The following NAALADL2 variants were observed in gnomAD, a reference collection of about 807,000 sequenced individuals.
NAALADL2 encodes inactive N-acetylated-alpha-linked acidic dipeptidase-like protein 2.
In NAALADL2, 76 loss-of-function variants were observed where a neutral mutation model predicts 87.2. The observed-to-expected ratio is 0.87, with a 90% CI of 0.72 to 1.05. The LOEUF (loss-of-function observed/expected upper bound fraction) is 1.05, where lower values mean the gene tolerates loss of function less well. NAALADL2 is among the 50% of genes least tolerant of loss of function. NAALADL2 has a pLI of 0.00. For missense variants in NAALADL2, 1,089 were observed against 945.8 expected (o/e 1.15, Z -1.99); for synonymous variants, 354 against 331.0 (o/e 1.07, Z -0.75).
At chr3:174,905,669 T>G (rs543509291) in intron 1 of NAALADL2, among the ~76,000 whole-genome samples, 1 of 152,194 alleles carries the variant, frequency 6.6e-6, no homozygotes, top group South Asian at 2.1e-4. Context: ...TGCCACATTC[T>G]AATCTTTTAT....
At chr3:175,633,015 G>T (rs984975559) in intron 11 of NAALADL2, among the ~76,000 whole-genome samples, 3 of 152,088 alleles carry the variant, frequency 2.0e-5, no homozygotes, top group African/African-American at 7.2e-5. Flanking sequence ...GACTGATAAT[G>T]TAGATGATGT....
chr3:174,681,714 T>G (rs1013691853), intron 2 of NAALADL2, among the ~76,000 whole-genome samples: 1 of 152,118 alleles, frequency 6.6e-6, no homozygotes, highest in Non-Finnish European at 1.5e-5. Flanking sequence ...GACCTACAAC[T>G]TTTCCAGTGT....
chr3:174,991,722 T>G (rs1746779702), intron 1 of NAALADL2, among the ~76,000 whole-genome samples: 1 of 152,098 alleles, frequency 6.6e-6, no homozygotes, highest in Admixed American at 6.6e-5. Context: ...ACACAAGCCT[T>G]ATTGTTCACT....
At chr3:175,732,195 G>C (rs1707450184) in intron 11 of NAALADL2, among the ~76,000 whole-genome samples, 1 of 152,144 alleles carries the variant, frequency 6.6e-6, no homozygotes, top group Non-Finnish European at 1.5e-5. Flanking sequence ...CTGAAGGTTT[G>C]CTGAAAATGA....
At chr3:175,438,515 T>C (rs972792730) in intron 5 of NAALADL2, among the ~76,000 whole-genome samples, 16 of 152,150 alleles carry the variant, frequency 1.1e-4, no homozygotes, top group Non-Finnish European at 1.5e-4. Context: ...GTTTGTTCAA[T>C]TGATGTTTGG....
In NAALADL2 at chr3:175,607,486, A is replaced by G. The variant is rs139715043; in HGVS notation, c.1801-19805A>G. 3.3e-5 allele frequency among the ~76,000 whole-genome samples: 5 copies of G among 152,286 alleles called. No individual in the cohort carries two copies. The East Asian group carries it at 7.7e-4, about 24-fold the overall frequency. On this transcript the variant is annotated intron_variant, in intron 10 of 13. Coordinates refer to ENST00000454872, the MANE Select transcript of NAALADL2 (RefSeq NM_207015.3). ...TCCTTGATAGATTTACATATACACC[A>G]TAAATAACCTAATCTCTATTTTATG...
At chr3:174,621,038 A>G (rs2108665383) in intron 2 of NAALADL2, among the ~76,000 whole-genome samples, 1 of 152,072 alleles carries the variant, frequency 6.6e-6, no homozygotes, top group Non-Finnish European at 1.5e-5. Context: ...CTGTCACCTT[A>G]AGAATATATA....
intron 11 of NAALADL2, among the ~76,000 whole-genome samples, chr3:175,722,965 C>T (rs764363058): frequency 5.1e-4 from 77 of 152,118 alleles, no homozygotes; most frequent in Non-Finnish European, 8.1e-4. Context: ...AGGATCTAAA[C>T]GTACAAAGCT....
intron 2 of NAALADL2, chr3:174,551,094 T>C (rs1416654988): frequency 6.6e-6 from 1 of 152,124 alleles, no homozygotes; most frequent in East Asian, 1.9e-4. Flanking sequence ...GCTGCACCCA[T>C]TAACTCGTCA....
chr3:175,041,509 T>C (rs1211258730), intron 1 of NAALADL2, among the ~76,000 whole-genome samples: 2 of 152,158 alleles, frequency 1.3e-5, no homozygotes, highest in Non-Finnish European at 2.9e-5. Context: ...TTATACTTCA[T>C]TTGTTTAATA....
chr3:174,660,521 C>T (rs1725405256), intron 2 of NAALADL2, among the ~76,000 whole-genome samples: 1 of 152,042 alleles, frequency 6.6e-6, no homozygotes, highest in Admixed American at 6.6e-5. Context: ...TTTTGAACCT[C>T]ACTTTTGAAA....
chr3:175,738,838 A>G (rs1349508668), intron 12 of NAALADL2, among the ~76,000 whole-genome samples: 1 of 152,198 alleles, frequency 6.6e-6, no homozygotes, highest in Non-Finnish European at 1.5e-5. Context: ...GCAACCAAAC[A>G]TATGGCACTT....
At chr3:174,557,107 A>C (rs1173481564) in intron 2 of NAALADL2, among the ~76,000 whole-genome samples, 1 of 152,138 alleles carries the variant, frequency 6.6e-6, no homozygotes. Flanking sequence ...CAAAAACAAC[A>C]TTTAAAGCTG....
intron 3 of NAALADL2, among the ~76,000 whole-genome samples, chr3:175,255,387 T>C (rs1198914716): frequency 1.3e-5 from 2 of 152,216 alleles, no homozygotes; most frequent in South Asian, 4.1e-4. Flanking sequence ...GTGCATTAGT[T>C]TCAATCGAGA....
intron 3 of NAALADL2, among the ~76,000 whole-genome samples, chr3:174,767,505 A>G (rs1036021183): frequency 6.6e-6 from 1 of 152,072 alleles, no homozygotes; most frequent in Non-Finnish European, 1.5e-5. Context: ...GTAGCACTCA[A>G]ACGTTATATG....
intron 1 of NAALADL2, among the ~76,000 whole-genome samples, chr3:174,501,338 A>G (rs901585387): frequency 7.0e-6 from 1 of 142,990 alleles, no homozygotes; most frequent in African/African-American, 3.0e-5. Context: ...TCGGCCTTCC[A>G]AAGTGCTGGG....
At chr3:174,731,486 G>A (rs559745191) in intron 2 of NAALADL2, among the ~76,000 whole-genome samples, 1 of 152,024 alleles carries the variant, frequency 6.6e-6, no homozygotes, top group Non-Finnish European at 1.5e-5. Flanking sequence ...TTCAGGACTG[G>A]TGAAACATAA....
At chr3:175,797,400 T>TC (rs1239125090) in intron 13 of NAALADL2, among the ~76,000 whole-genome samples, 14 of 152,318 alleles carry the variant, frequency 9.2e-5, no homozygotes, top group African/African-American at 1.2e-4. Context: ...AAGATAGTGA[T>TC]TTATTGAATT....
chr3:175,649,546 G>A (rs1730465797), intron 11 of NAALADL2, among the ~76,000 whole-genome samples: 2 of 152,160 alleles, frequency 1.3e-5, no homozygotes, highest in Admixed American at 1.3e-4. Flanking sequence ...AAGGTGCCAG[G>A]AGGGTTGGTA....
Sources: allele counts gnomAD v4.1 joint callset (sites outside exome capture counted in the v4.1 genomes callset), GRCh38; gene constraint gnomAD v4.1.1; transcripts MANE v1.5; gene names NCBI Gene and HGNC (gene_info 2026-07-23, HGNC 2026-07-21).